The following ZBTB25 variants were observed in gnomAD, a reference collection of about 807,000 sequenced individuals.
ZBTB25 encodes the protein zinc finger and BTB domain containing 25, also known as zinc finger and BTB domain-containing protein 25.
ZBTB25 carries 20 observed loss-of-function variants against 34.2 expected under a neutral mutation model. The ratio of observed to expected loss-of-function variants is 0.58; its 90% confidence interval spans 0.41 to 0.85. ZBTB25 has a LOEUF of 0.85. ZBTB25 is among the 40% of genes least tolerant of loss of function. The pLI, the probability that ZBTB25 is intolerant of heterozygous loss-of-function variation, is 0.00. For missense variants in ZBTB25, 437 were observed against 521.8 expected, an observed-to-expected ratio of 0.84 and a Z score of 1.58; for synonymous variants, 175 against 186.4, an observed-to-expected ratio of 0.94 and a Z score of 0.50.
intron 1 of ZBTB25, among the ~76,000 whole-genome samples, chr14:64,494,981 A>C (rs1168938359): frequency 6.6e-6 from 1 of 152,166 alleles, no homozygotes; most frequent in East Asian, 1.9e-4. Context: ...TCTTTTTTAA[A>C]GTTTCTAATT....
intron 1 of ZBTB25, among the ~76,000 whole-genome samples, chr14:64,498,269 C>A (rs2079349148): frequency 6.6e-6 from 1 of 151,954 alleles, no homozygotes; most frequent in Non-Finnish European, 1.5e-5. Context: ...CAGGCTTAGC[C>A]CAAACAGAAT....
At chr14:64,457,259 G>A (rs11627387) in intron 2 of ZBTB25, among the ~76,000 whole-genome samples, 41,859 of 151,962 alleles carry the variant, frequency 0.28, 5,918 homozygotes, top group East Asian at 0.42. Flanking sequence ...TTAAAAGCAG[G>A]CAAGCCCTGT....
chr14:64,471,801 C>G lies in ZBTB25; in HGVS notation c.173+18560G>C, dbSNP rs2078675259. 2.4e-5 allele frequency: 4 copies of G among 167,158 alleles called. No individual in the cohort carries two copies. In the South Asian group the frequency reaches 8.3e-4, roughly 35 times the overall value. 10.4% of individuals were successfully genotyped at this position (167,158 alleles called of 1,614,324 possible). A position where few individuals can be genotyped will look rare whatever the true frequency, so the allele number is the denominator to read the frequency against. On this transcript the variant is annotated intron_variant, in intron 2 of 2. Transcript: ENST00000555220. Reference sequence around the variant, plus strand: ...TGCACATTAGATGATTTTAAATGATCTGGGTGAATTCTTGCATTGTGTATG... The same window carrying G: ...TGCACATTAGATGATTTTAAATGATGTGGGTGAATTCTTGCATTGTGTATG...
intron 2 of ZBTB25, chr14:64,463,491 A>G (rs1219753665): frequency 6.6e-6 from 1 of 152,046 alleles, no homozygotes; most frequent in East Asian, 1.9e-4. Context: ...AATTTTGTTT[A>G]AAAGAAAGGC....
chr14:64,488,432 A>T (rs1211461709), intron 2 of ZBTB25, among the ~76,000 whole-genome samples: 1 of 152,186 alleles, frequency 6.6e-6, no homozygotes, highest in African/African-American at 2.4e-5. Flanking sequence ...GATCAAAAGA[A>T]CTAAAAACAG....
At chr14:64,461,019 C>CT (rs1299091130) in intron 2 of ZBTB25, 1 of 152,014 alleles carries the variant, frequency 6.6e-6, no homozygotes, top group African/African-American at 2.4e-5. Context: ...GAGCTAGACT[C>CT]TGTCTAAAAA....
At chr14:64,469,506 T>C in intron 2 of ZBTB25, 1 of 1,613,412 alleles carries the variant, frequency 6.2e-7, no homozygotes, top group Non-Finnish European at 8.5e-7. Context: ...AATGAGCAAG[T>C]AGGGGTTTTT....
chr14:64,460,150 G>C (rs75056406), intron 2 of ZBTB25: 11,786 of 519,056 alleles, frequency 0.023, 169 homozygotes, highest in Middle Eastern at 0.039. Flanking sequence ...TGTTTAGAGG[G>C]AAATGTATGC....
intron 1 of ZBTB25, among the ~76,000 whole-genome samples, chr14:64,492,832 A>G (rs1159827861): frequency 6.6e-6 from 1 of 152,226 alleles, no homozygotes; most frequent in Non-Finnish European, 1.5e-5. Context: ...CCTGCATTGT[A>G]CAAGGCGTGG....
chr14:64,462,856 CAGA>C (rs2140998484), intron 2 of ZBTB25: 1 of 152,262 alleles, frequency 6.6e-6, no homozygotes, highest in African/African-American at 2.4e-5. Flanking sequence ...GGCTTATTCC[CAGA>C]AGGCCTCTGA....
At chr14:64,453,555 GC>G (rs1373458542) in intron 2 of ZBTB25, among the ~76,000 whole-genome samples, 3 of 152,262 alleles carry the variant, frequency 2.0e-5, no homozygotes, top group African/African-American at 7.2e-5. Flanking sequence ...TGGCAACAGA[GC>G]GAAACTCCGT....
In ZBTB25 at chr14:64,479,566, G is replaced by C. The variant is rs2078755802; in HGVS notation, c.*7357C>G. The C allele has an allele frequency of 1.3e-5, 2 of 152,232 alleles. No individual in the cohort carries two copies. The highest frequency in any genetic ancestry group is 4.1e-4 in the South Asian group (2 of 4,836). The allele number at this position is 152,232 out of a possible 1,614,324, so 9.4% of individuals were successfully genotyped here. A position where few individuals can be genotyped will look rare whatever the true frequency, so the allele number is the denominator to read the frequency against. On this transcript the variant is annotated 3_prime_UTR_variant, in exon 3 of 3. Transcript: ENST00000608382. ...CTGAATCAGTAGACTGCGTAAAGAA[G>C]ATCACCCTCCCTGATGTGGGTGGCT...
At chr14:64,471,384 C>A (rs147509672) in intron 2 of ZBTB25, 4,000 of 166,608 alleles carry the variant, frequency 0.024, 56 homozygotes, top group Middle Eastern at 0.054. Flanking sequence ...GATCTCCTGA[C>A]CTCATGATCC....
downstream of ZBTB25, among the ~76,000 whole-genome samples, chr14:64,476,417 C>T (rs1248173964): frequency 6.6e-6 from 1 of 152,188 alleles, no homozygotes; most frequent in Non-Finnish European, 1.5e-5. Context: ...CCTCCACATC[C>T]CAGGTTCAAG....
At chr14:64,489,633 A>G (rs1339313086) in intron 2 of ZBTB25, among the ~76,000 whole-genome samples, 1 of 150,866 alleles carries the variant, frequency 6.6e-6, no homozygotes, top group East Asian at 2.0e-4. Flanking sequence ...CCTCATAGGT[A>G]CACGCAATTC....
intron 2 of ZBTB25, chr14:64,458,376 A>G: frequency 1.0e-6 from 1 of 991,300 alleles, no homozygotes; most frequent in Non-Finnish European, 1.6e-6. Flanking sequence ...ATAGGGCTCA[A>G]ACTGACGCTA....
chr14:64,486,301 CAA>C lies in ZBTB25; in HGVS notation c.*620_*621del, dbSNP rs903101968. The C allele has an allele frequency of 1.2e-5, 9 of 726,696 alleles. No homozygotes were observed. Among genetic ancestry groups the C allele is most frequent in the South Asian group, 6.3e-5 (1 of 15,756 alleles). The allele number at this position is 726,696 out of a possible 1,614,324, so 45.0% of individuals were successfully genotyped here. ...TGGGCGACACAGAGAGACTCTGTCT[CAA>C]AAAAAAAAAGAGGTATACTCAATGT... On this transcript the variant is annotated 3_prime_UTR_variant, in exon 3 of 3. Transcript: ENST00000608382.
In ZBTB25 at chr14:64,458,604, C is replaced by G. The variant is rs779930031; in HGVS notation, c.174-8966G>C. ...AGAGGAAACTACAGGAGAGGTTAGA[C>G]TCCCTCTGCTGAAGCCCCAGGAGGC... On this transcript the variant is annotated intron_variant, in intron 2 of 2. Coordinates refer to the ZBTB25 transcript ENST00000555220. 1.2e-4 allele frequency: 54 copies of G among 433,762 alleles called. 1 individual carries two copies. The Middle Eastern group carries it at 2.1e-3, about 17-fold the overall frequency. 26.9% of individuals were successfully genotyped at this position (433,762 alleles called of 1,614,324 possible).
rs2078864447 is a variant in ZBTB25 at position 64,486,433 on chromosome 14, A to G, written c.*490T>C. Reference sequence around the variant, plus strand: ...ATCTTAAAATAAATTTTTATACATTATAACATATGTATAACATACAGTTAT... The same window carrying G: ...ATCTTAAAATAAATTTTTATACATTGTAACATATGTATAACATACAGTTAT... On this transcript the variant is annotated 3_prime_UTR_variant, in exon 3 of 3. Transcript: ENST00000608382. 2.1e-6 allele frequency: 2 copies of G among 968,222 alleles called. No individual in the cohort carries two copies. The highest frequency in any genetic ancestry group is 1.2e-6 in the Non-Finnish European group (1 of 814,072). The allele number at this position is 968,222 out of a possible 1,614,324, so 60.0% of individuals were successfully genotyped here.
Sources: allele counts gnomAD v4.1 joint callset (sites outside exome capture counted in the v4.1 genomes callset), GRCh38; gene constraint gnomAD v4.1.1; transcripts MANE v1.5; gene names NCBI Gene and HGNC (gene_info 2026-07-23, HGNC 2026-07-21).